Variants in AADACL2 observed in about 807,000 individuals in gnomAD.
AADACL2 encodes arylacetamide deacetylase-like 2.
Under a neutral mutation model 22.3 loss-of-function variants are expected in AADACL2, and 23 were observed. The observed-to-expected ratio is 1.03, with a 90% CI of 0.74 to 1.46. The LOEUF is 1.46. AADACL2 is among the 40% of genes most tolerant of loss of function. AADACL2 has a pLI of 0.00. For synonymous variants in AADACL2, 177 were observed against 166.2 expected (o/e 1.07, Z -0.50); for missense variants, 472 against 482.9 (o/e 0.98, Z 0.21).
In AADACL2 at chr3:151,758,333, T is replaced by C. The variant is rs999678203; in HGVS notation, c.*739T>C. The stretch of plus-strand genomic sequence containing the variant: ...TCTCTGCCTGTGTCTAATCTCCCTA[T>C]GGGCTTCTCTTAGAAAAACACATGT... On this transcript the variant is annotated 3_prime_UTR_variant, in exon 5 of 5. Coordinates refer to ENST00000356517, the MANE Select transcript of AADACL2 (RefSeq NM_207365.4). 4.6e-5 allele frequency: 7 copies of C among 151,616 alleles called. No individual in the cohort carries two copies. Among genetic ancestry groups the C allele is most frequent in the African/African-American group, 1.2e-4 (5 of 40,912 alleles). 9.4% of individuals were successfully genotyped at this position (151,616 alleles called of 1,614,324 possible). A position where few individuals can be genotyped will look rare whatever the true frequency, so the allele number is the denominator to read the frequency against.
chr3:151,742,004 T>C (rs1713292494), intron 2 of AADACL2, among the ~76,000 whole-genome samples: 1 of 152,186 alleles, frequency 6.6e-6, no homozygotes, highest in South Asian at 2.1e-4. Flanking sequence ...ACACATTATT[T>C]GTTTTCAGAT....
chr3:151,757,137 T>C lies in AADACL2; in HGVS notation c.749T>C (p.Val250Ala), dbSNP rs753536191. Residue 250 changes from valine (V) to alanine (A), a missense_variant, in exon 5 of 5, where the codon GTG becomes GCG. This residue lies in a region of AADACL2 where 356 missense variants were observed against 365.5 expected (regional missense o/e 0.97). Coordinates refer to ENST00000356517, the MANE Select transcript of AADACL2 (RefSeq NM_207365.4). ...VLTRDVAIKL[V>A]SLYFTKDEAL... Reference sequence around the variant, plus strand: ...ACCAGGGATGTAGCCATAAAACTCGTGAGCTTATATTTCACCAAGGATGAA... The same window carrying C: ...ACCAGGGATGTAGCCATAAAACTCGCGAGCTTATATTTCACCAAGGATGAA... 6.2e-7 allele frequency: 1 copy of C among 1,612,718 alleles called. No individual in the cohort carries two copies. Among genetic ancestry groups the C allele is most frequent in the East Asian group, 2.2e-5 (1 of 44,800 alleles).
At chr3:151,755,660 A>G (rs1201673292) in intron 4 of AADACL2, among the ~76,000 whole-genome samples, 1 of 152,182 alleles carries the variant, frequency 6.6e-6, no homozygotes, top group Non-Finnish European at 1.5e-5. Flanking sequence ...ATAATGGGGA[A>G]CATAGAGATG....
chr3:151,749,724 G>T (rs1484489840), intron 4 of AADACL2, among the ~76,000 whole-genome samples: 1 of 152,042 alleles, frequency 6.6e-6, no homozygotes, highest in Non-Finnish European at 1.5e-5. Context: ...CTTGTGATCT[G>T]CCAGCCTCAG....
chr3:151,744,194 T>G (rs1280134189), intron 3 of AADACL2, 32 bp downstream of exon 3: 3 of 1,611,060 alleles, frequency 1.9e-6, no homozygotes, highest in Non-Finnish European at 2.5e-6. Flanking sequence ...CTACTATGAT[T>G]TTTGCCTTTA....
At chr3:151,749,125 T>C (rs1576615341) in intron 4 of AADACL2, among the ~76,000 whole-genome samples, 2 of 152,324 alleles carry the variant, frequency 1.3e-5, no homozygotes, top group South Asian at 2.1e-4. Context: ...TTGTGTAGTA[T>C]AGACATTTTA....
At chr3:151,747,406 C>T (rs1294251533) in intron 4 of AADACL2, among the ~76,000 whole-genome samples, 2 of 152,038 alleles carry the variant, frequency 1.3e-5, no homozygotes, top group Admixed American at 6.6e-5. Context: ...CATCTCCATC[C>T]CCTTTCATCT....
chr3:151,757,955 G>A lies in AADACL2; in HGVS notation c.*361G>A, dbSNP rs796725247. On this transcript the variant is annotated 3_prime_UTR_variant, in exon 5 of 5. Transcript: ENST00000356517. ...GTGAGTGGGAAGAGGAAAAAACATGGAACAAACTTGCTGCTAAAAATATAT... is the reference window on the plus strand; with the variant it reads ...GTGAGTGGGAAGAGGAAAAAACATGAAACAAACTTGCTGCTAAAAATATAT... The A allele has an allele frequency of 2.2e-4, 36 of 166,902 alleles. No individual in the cohort carries two copies. Among genetic ancestry groups the A allele is most frequent in the African/African-American group, 8.1e-4 (34 of 41,738 alleles). The allele number at this position is 166,902 out of a possible 1,614,324, so 10.3% of individuals were successfully genotyped here.
intron 4 of AADACL2, among the ~76,000 whole-genome samples, chr3:151,754,228 C>T (rs1390176411): frequency 6.6e-6 from 1 of 152,124 alleles, no homozygotes; most frequent in African/African-American, 2.4e-5. Context: ...GAAAATCGTG[C>T]TGGTCCACAT....
chr3:151,734,317 A>G (rs1032559017), intron 1 of AADACL2, 144 bp downstream of exon 1: 14 of 965,946 alleles, frequency 1.4e-5, no homozygotes, highest in Non-Finnish European at 2.1e-5. Context: ...ATTAAACAAC[A>G]TTAAGTAAAT....
chr3:151,752,019 A>AT (rs111457549), intron 4 of AADACL2, among the ~76,000 whole-genome samples: 22 of 152,174 alleles, frequency 1.4e-4, no homozygotes, highest in African/African-American at 4.8e-4. Flanking sequence ...TAAAAAGGTG[A>AT]TTTTCTTTAT....
At chr3:151,744,206 C>T in intron 3 of AADACL2, 44 bp downstream of exon 3, 1 of 1,583,164 alleles carries the variant, frequency 6.3e-7, no homozygotes, top group Non-Finnish European at 8.7e-7. Flanking sequence ...TTGCCTTTAC[C>T]ATGTAGAGGT....
intron 1 of AADACL2, among the ~76,000 whole-genome samples, chr3:151,739,430 T>C (rs2107981361): frequency 6.6e-6 from 1 of 152,344 alleles, no homozygotes; most frequent in African/African-American, 2.4e-5. Context: ...GAGGTGTCTG[T>C]TGACCCTTGC....
chr3:151,750,162 A>G (rs1713616916), intron 4 of AADACL2, among the ~76,000 whole-genome samples: 1 of 152,230 alleles, frequency 6.6e-6, no homozygotes, highest in African/African-American at 2.4e-5. Flanking sequence ...GTATTGAAAC[A>G]TCCTTGGGAT....
rs372792424 is a variant in AADACL2, at chr3:151,758,684, T to G, written c.*1090T>G. ...GAATAAATCACTTCTGTAGCCCTTT[T>G]GTTGAGTGGAATCATAAACAAAAAA... On this transcript the variant is annotated 3_prime_UTR_variant, in exon 5 of 5. Transcript: ENST00000356517. The G allele has an allele frequency of 1.3e-5, 2 of 152,102 alleles. No homozygotes were observed. Among genetic ancestry groups the G allele is most frequent in the Non-Finnish European group, 2.9e-5 (2 of 67,986 alleles). 9.4% of individuals were successfully genotyped at this position (152,102 alleles called of 1,614,324 possible).
In AADACL2 at chr3:151,744,156, G is replaced by A; in HGVS notation, c.425G>A (p.Gly142Asp). ...AACACGCTTGATGCTGTTGTTGTAG[G>A]CGTGGAGTAAGAATGATTTTTTTCT... ...TANTLDAVVVGVDYRLAPQHH... is the reference protein window; with the variant it reads ...TANTLDAVVVDVDYRLAPQHH... Residue 142 changes from glycine to aspartate, a missense_variant, in exon 3 of 5, where the codon GGC (glycine) becomes GAC (aspartate). This residue lies in a region of AADACL2 where 356 missense variants were observed against 365.5 expected (regional missense o/e 0.97). Coordinates refer to ENST00000356517, the MANE Select transcript of AADACL2 (RefSeq NM_207365.4). 1 of 1,613,468 alleles carries A rather than the reference G, an allele frequency of 6.2e-7. No homozygotes were observed. The highest frequency in any genetic ancestry group is 8.5e-7 in the Non-Finnish European group (1 of 1,179,644).
intron 3 of AADACL2, 137 bp downstream of exon 3, chr3:151,744,299 C>A: frequency 1.4e-6 from 1 of 736,276 alleles, no homozygotes; most frequent in Non-Finnish European, 2.1e-6. Context: ...GCAACATAGA[C>A]TGCTCCTCAA....
chr3:151,742,728 C>T (rs1293230039), intron 2 of AADACL2, among the ~76,000 whole-genome samples: 3 of 152,176 alleles, frequency 2.0e-5, no homozygotes, highest in Non-Finnish European at 4.4e-5. Context: ...AAGATGTTTC[C>T]AAGCTGAAAC....
At chr3:151,749,606 C>T (rs1292268642) in intron 4 of AADACL2, among the ~76,000 whole-genome samples, 2 of 152,096 alleles carry the variant, frequency 1.3e-5, no homozygotes, top group African/African-American at 2.4e-5. Context: ...CCTCAGCCTC[C>T]CGAGTAGCTG....
Sources: allele counts gnomAD v4.1 joint callset (sites outside exome capture counted in the v4.1 genomes callset), GRCh38; gene constraint gnomAD v4.1.1; regional missense constraint gnomAD v4.1.1; transcripts MANE v1.5; gene names NCBI Gene and HGNC (gene_info 2026-07-23, HGNC 2026-07-21).